The following ADAMTSL3 variants were observed in gnomAD, a reference collection of about 807,000 sequenced individuals.
The protein encoded by ADAMTSL3 is ADAMTS-like protein 3.
Under a neutral mutation model 201.7 loss-of-function variants are expected in ADAMTSL3, and 128 were observed. That is an observed-to-expected ratio of 0.63 (90% CI 0.55 to 0.73). The LOEUF is 0.73. Among genes scored for constraint, ADAMTSL3 ranks in the 30% least tolerant of loss-of-function variants. ADAMTSL3 has a pLI of 0.00. For missense variants in ADAMTSL3, 1,990 were observed against 2,119.6 expected (o/e 0.94, Z 1.20); for synonymous variants, 738 against 748.4 (o/e 0.99, Z 0.23).
In ADAMTSL3 at chr15:83,883,519, TC is replaced by T. The variant is rs2065320328; in HGVS notation, c.961-1581del. 1.5e-5 allele frequency among the ~76,000 whole-genome samples: 2 copies of T among 131,554 alleles called. 1 individual carries two copies. Among genetic ancestry groups the T allele is most frequent in the South Asian group, 5.1e-4 (2 of 3,910 alleles). The allele number at this position is 131,554 out of a possible 152,430, so 86.3% of individuals were successfully genotyped here. On this transcript the variant is annotated intron_variant, in intron 9 of 29. Coordinates refer to ENST00000286744, the MANE Select transcript of ADAMTSL3 (RefSeq NM_207517.3). ...TAAAATTTTTTATCCCAATTTTATT[TC>T]TTTTTTTTTTTTCAATTGCATTTTT...
chr15:83,776,403 A>T (rs191277411), intron 4 of ADAMTSL3, among the ~76,000 whole-genome samples: 4 of 152,324 alleles, frequency 2.6e-5, no homozygotes, highest in Admixed American at 1.3e-4. Flanking sequence ...TAAACAAACA[A>T]TCAAATTATA....
chr15:83,990,585 TCC>T (rs1567286674), intron 22 of ADAMTSL3, among the ~76,000 whole-genome samples: 2 of 152,114 alleles, frequency 1.3e-5, no homozygotes, highest in Non-Finnish European at 2.9e-5. Flanking sequence ...GGACCTTCTG[TCC>T]TGTCTTCATC....
chr15:84,029,521 T>A (rs368963181), intron 27 of ADAMTSL3, among the ~76,000 whole-genome samples: 50 of 152,322 alleles, frequency 3.3e-4, no homozygotes, highest in African/African-American at 1.2e-3. Flanking sequence ...TTAAAAGCAT[T>A]CAGTTTTATG....
At position 83,763,430 on chromosome 15, in the gene ADAMTSL3, C is replaced by G. The variant is rs536712919; in HGVS notation, c.190-10093C>G. On this transcript the variant is annotated intron_variant, in intron 3 of 29. Coordinates refer to ENST00000286744, the MANE Select transcript of ADAMTSL3 (RefSeq NM_207517.3). Reference sequence around the variant, plus strand: ...ATCTAGATTTTTTTTTTTTTTGAGACAGGGTCTCACTCTAGGCCTCAGAAA... The same window carrying G: ...ATCTAGATTTTTTTTTTTTTTGAGAGAGGGTCTCACTCTAGGCCTCAGAAA... Among the ~76,000 whole-genome samples, 6 of 149,998 alleles carry G rather than the reference C, an allele frequency of 4.0e-5. No individual in the cohort carries two copies. The South Asian group carries it at 1.1e-3, about 26-fold the overall frequency.
chr15:83,888,328 T>C (rs769904076), intron 10 of ADAMTSL3, among the ~76,000 whole-genome samples: 1 of 152,246 alleles, frequency 6.6e-6, no homozygotes, highest in African/African-American at 2.4e-5. Flanking sequence ...GGAAAATTAA[T>C]TGTCTCTCCT....
At chr15:83,980,891 C>T (rs1465828504) in intron 20 of ADAMTSL3, among the ~76,000 whole-genome samples, 1 of 152,204 alleles carries the variant, frequency 6.6e-6, no homozygotes, top group Admixed American at 6.5e-5. Flanking sequence ...CCAGTAAACA[C>T]ACTGTAGCCA....
chr15:83,974,706 T>A (rs1246462598), intron 20 of ADAMTSL3, among the ~76,000 whole-genome samples: 1 of 152,232 alleles, frequency 6.6e-6, no homozygotes, highest in Non-Finnish European at 1.5e-5. Flanking sequence ...CTACCTATCT[T>A]GGTTTCCAAT....
At chr15:83,792,377 CAA>C (rs1014001029) in intron 4 of ADAMTSL3, among the ~76,000 whole-genome samples, 1 of 152,174 alleles carries the variant, frequency 6.6e-6, no homozygotes, top group East Asian at 1.9e-4. Context: ...ATTAAAAAAA[CAA>C]AAGACAACAA....
chr15:83,676,595 G>A (rs148518657), intron 2 of ADAMTSL3, among the ~76,000 whole-genome samples: 3,434 of 152,228 alleles, frequency 0.023, 131 homozygotes, highest in African/African-American at 0.075. Context: ...GGAGAATGGC[G>A]TGAACCCGGG....
chr15:83,774,990 G>T (rs2063046811), intron 4 of ADAMTSL3, among the ~76,000 whole-genome samples: 1 of 152,026 alleles, frequency 6.6e-6, no homozygotes, highest in Non-Finnish European at 1.5e-5. Flanking sequence ...GGGATTACAG[G>T]TGCCTGCCAC....
chr15:84,008,686 T>C (rs1018869104), intron 23 of ADAMTSL3, among the ~76,000 whole-genome samples: 9 of 152,146 alleles, frequency 5.9e-5, no homozygotes, highest in Non-Finnish European at 1.0e-4. Context: ...AACTGTTAAA[T>C]TTATATTTTC....
intron 9 of ADAMTSL3, among the ~76,000 whole-genome samples, chr15:83,873,579 A>C (rs1329852126): frequency 6.9e-6 from 1 of 144,334 alleles, no homozygotes. Context: ...GAGTCTCACT[A>C]TGTTACCCAG....
intron 23 of ADAMTSL3, among the ~76,000 whole-genome samples, chr15:84,007,590 GT>G (rs199548080): frequency 2.7e-5 from 4 of 146,436 alleles, no homozygotes; most frequent in African/African-American, 9.8e-5. Flanking sequence ...CTCTGGCTCT[GT>G]TTTTTTTCTG....
intron 17 of ADAMTSL3, among the ~76,000 whole-genome samples, chr15:83,937,487 A>G (rs1383258544): frequency 1.3e-5 from 2 of 150,886 alleles, no homozygotes; most frequent in Admixed American, 6.6e-5. Context: ...AGAAGGGAAC[A>G]ACAGACATCA....
intron 22 of ADAMTSL3, 147 bp downstream of exon 22, chr15:83,988,965 T>G (rs2067535374): frequency 2.6e-6 from 1 of 391,350 alleles, no homozygotes; most frequent in African/African-American, 2.2e-5. Context: ...CACTGTAAGC[T>G]CCGCCTCCCG....
intron 16 of ADAMTSL3, 114 bp downstream of exon 16, chr15:83,913,492 G>C: frequency 9.5e-7 from 1 of 1,051,314 alleles, no homozygotes; most frequent in Admixed American, 2.8e-5. Flanking sequence ...AGGAGGTGAA[G>C]TCATTCAAAT....
intron 11 of ADAMTSL3, 64 bp from the exon 12 acceptor site, chr15:83,891,265 C>A (rs549043745): frequency 7.7e-7 from 1 of 1,304,704 alleles, no homozygotes; most frequent in Non-Finnish European, 1.1e-6. Context: ...ATATTATATT[C>A]GTCAATTAAT....
chr15:83,923,216 A>G (rs1265231046), intron 16 of ADAMTSL3, among the ~76,000 whole-genome samples: 1 of 152,096 alleles, frequency 6.6e-6, no homozygotes, highest in African/African-American at 2.4e-5. Context: ...AATCTACCAC[A>G]TTTTTGCTGT....
In ADAMTSL3 at chr15:83,984,829, C is replaced by G. The variant is rs541761353; in HGVS notation, c.3716+1485C>G. On this transcript the variant is annotated intron_variant, in intron 21 of 29. Transcript: ENST00000286744. ...AGACAGCTGGATTCTTTTTCCACAT[C>G]TGTTGTGAAATGTTGTTTTAGTTAA... Among the ~76,000 whole-genome samples the G allele has an allele frequency of 1.3e-3, 191 of 152,278 alleles. 1 individual carries two copies. The highest frequency in any genetic ancestry group is 4.2e-3 in the African/African-American group (176 of 41,558).
Sources: gnomAD v4.1 joint callset for allele counts (sites outside exome capture counted in the v4.1 genomes callset) on GRCh38, gnomAD v4.1.1 for gene constraint, MANE v1.5 for transcripts, NCBI Gene and HGNC (gene_info 2026-07-23, HGNC 2026-07-21) for gene names.